ZNF423: variants seen among roughly 807,000 people sequenced by gnomAD.
The protein encoded by ZNF423 is Ebf-associated zinc finger protein.
Under a neutral mutation model 95.8 loss-of-function variants are expected in ZNF423, and 12 were observed. The observed-to-expected ratio is 0.13, with a 90% CI of 0.08 to 0.20. ZNF423 has a LOEUF of 0.20. Ranked by LOEUF, ZNF423 falls within the 10% of genes least tolerant of loss-of-function variation. The pLI is 1.00. For missense variants in ZNF423, 1,316 were observed against 1,737.1 expected (o/e 0.76, Z 4.31); for synonymous variants, 749 against 711.9 (o/e 1.05, Z -0.83).
intron 5 of ZNF423, among the ~76,000 whole-genome samples, chr16:49,556,961 G>A (rs1329522106): frequency 6.6e-6 from 1 of 152,136 alleles, no homozygotes; most frequent in East Asian, 1.9e-4. Context: ...GGAGAAGGCA[G>A]GAAAAAAACT....
intron 5 of ZNF423, among the ~76,000 whole-genome samples, chr16:49,590,446 G>A (rs2151815726): frequency 6.6e-6 from 1 of 152,162 alleles, no homozygotes; most frequent in South Asian, 2.1e-4. Context: ...TTCTGGAAAA[G>A]AGAAAGCCAC....
chr16:49,525,330 T>C (rs1357531711), intron 6 of ZNF423, 33 bp downstream of exon 6: 1 of 1,611,506 alleles, frequency 6.2e-7, no homozygotes, highest in African/African-American at 1.3e-5. Context: ...TGTTCATCTC[T>C]CTCCCCTGAG....
In ZNF423 at chr16:49,746,223, T is replaced by C. The variant is rs147003866; in HGVS notation, c.101-15252A>G. The stretch of plus-strand genomic sequence containing the variant: ...CCCACCTATAAAAGTGCAGGATTAA[T>C]TTCCTGCACCGTTAAAGGAATCACC... On this transcript the variant is annotated intron_variant, in intron 2 of 7. Coordinates refer to ENST00000563137, the MANE Select transcript of ZNF423 (RefSeq NM_001379286.1). 2.5e-3 allele frequency among the ~76,000 whole-genome samples: 380 copies of C among 152,260 alleles called. 2 individuals carry two copies. The highest frequency in any genetic ancestry group is 8.7e-3 in the African/African-American group (363 of 41,548).
chr16:49,627,099 C>T lies in ZNF423; in HGVS notation c.3517-845G>A, dbSNP rs533691546. ...ACCCATCCATCCATCTACATAATAC[C>T]CACCCATCCTCCATCTACCCATCCA... On this transcript the variant is annotated intron_variant, in intron 4 of 7. Coordinates refer to ENST00000563137, the MANE Select transcript of ZNF423 (RefSeq NM_001379286.1). Among the ~76,000 whole-genome samples the T allele has an allele frequency of 5.6e-5, 8 of 141,988 alleles. No homozygotes were observed. In the South Asian group the frequency reaches 2.5e-3, roughly 44 times the overall value. The allele number at this position is 141,988 out of a possible 152,430, so 93.1% of individuals were successfully genotyped here. A position where few individuals can be genotyped will look rare whatever the true frequency, so the allele number is the denominator to read the frequency against.
intron 5 of ZNF423, among the ~76,000 whole-genome samples, chr16:49,591,215 G>A (rs1971001833): frequency 6.6e-6 from 1 of 152,014 alleles, no homozygotes; most frequent in African/African-American, 2.4e-5. Context: ...TAACTCCACT[G>A]GAAACCAAGC....
intron 3 of ZNF423, among the ~76,000 whole-genome samples, chr16:49,668,074 C>A (rs1006719933): frequency 7.2e-5 from 11 of 152,134 alleles, no homozygotes; most frequent in African/African-American, 2.7e-4. Flanking sequence ...AGGACTCCAG[C>A]AGGTAGGAGA....
chr16:49,722,055 C>T (rs1205443427), intron 3 of ZNF423, among the ~76,000 whole-genome samples: 1 of 152,102 alleles, frequency 6.6e-6, no homozygotes, highest in African/African-American at 2.4e-5. Context: ...GAAACAAGTC[C>T]CCACCACCAC....
intron 5 of ZNF423, among the ~76,000 whole-genome samples, chr16:49,529,464 G>A (rs953006139): frequency 6.6e-6 from 1 of 152,168 alleles, no homozygotes; most frequent in African/African-American, 2.4e-5. Flanking sequence ...ATAATAGGAT[G>A]TGCTTTTGCT....
intron 3 of ZNF423, among the ~76,000 whole-genome samples, chr16:49,728,293 T>C (rs751893273): frequency 1.3e-5 from 2 of 152,180 alleles, no homozygotes; most frequent in Non-Finnish European, 2.9e-5. Context: ...CTCACACATC[T>C]AGGAAACTAT....
chr16:49,841,594 C>A (rs576086265), intron 1 of ZNF423, among the ~76,000 whole-genome samples: 1 of 152,228 alleles, frequency 6.6e-6, no homozygotes, highest in African/African-American at 2.4e-5. Context: ...ATGCTACCCG[C>A]TCTTCCAGGC....
At chr16:49,502,572 C>G (rs1967451189) in intron 7 of ZNF423, among the ~76,000 whole-genome samples, 1 of 151,866 alleles carries the variant, frequency 6.6e-6, no homozygotes, top group Non-Finnish European at 1.5e-5. Context: ...TGACCGCATT[C>G]AAAAATCTGG....
At chr16:49,654,188 T>C (rs56852801) in intron 3 of ZNF423, among the ~76,000 whole-genome samples, 6,939 of 152,300 alleles carry the variant, frequency 0.046, 501 homozygotes, top group African/African-American at 0.16. Flanking sequence ...CAAAGATGTA[T>C]ACCGAGCATG....
At chr16:49,693,286 T>G (rs960573521) in intron 3 of ZNF423, among the ~76,000 whole-genome samples, 4 of 152,060 alleles carry the variant, frequency 2.6e-5, no homozygotes, top group Non-Finnish European at 5.9e-5. Context: ...AACCCGTGAG[T>G]ATGAGGTATA....
intron 3 of ZNF423, among the ~76,000 whole-genome samples, chr16:49,639,277 A>T (rs73567519): frequency 0.021 from 3,231 of 152,320 alleles, 109 homozygotes; most frequent in African/African-American, 0.074. Context: ...CACTTGATCC[A>T]CACCTGGGAG....
chr16:49,525,587 C>A (rs1055717822), intron 5 of ZNF423, 93 bp from the exon 6 acceptor site: 78 of 1,538,138 alleles, frequency 5.1e-5, no homozygotes, highest in Non-Finnish European at 6.3e-5. Flanking sequence ...AGCACTAACC[C>A]CCCTCCAATC....
At chr16:49,615,189 A>G (rs1041216271) in intron 5 of ZNF423, among the ~76,000 whole-genome samples, 2 of 150,542 alleles carry the variant, frequency 1.3e-5, no homozygotes, top group African/African-American at 5.0e-5. Context: ...AATGAGCACC[A>G]GCATTCTTCC....
chr16:49,510,909 G>A (rs931818781), intron 7 of ZNF423, among the ~76,000 whole-genome samples: 7 of 152,346 alleles, frequency 4.6e-5, no homozygotes, highest in Admixed American at 6.5e-5. Context: ...CCCATCTGTC[G>A]AGATGGCATG....
chr16:49,657,880 T>G (rs2029969718), intron 3 of ZNF423, among the ~76,000 whole-genome samples: 1 of 152,178 alleles, frequency 6.6e-6, no homozygotes, highest in Non-Finnish European at 1.5e-5. Flanking sequence ...TCAGCCTGCA[T>G]AGCCTCCTCC....
intron 1 of ZNF423, among the ~76,000 whole-genome samples, chr16:49,835,278 G>A (rs2035105342): frequency 6.6e-6 from 1 of 152,214 alleles, no homozygotes; most frequent in Non-Finnish European, 1.5e-5. Context: ...GTCCAGCCGG[G>A]AGGTGGGGTC....
Sources: allele counts gnomAD v4.1 joint callset (sites outside exome capture counted in the v4.1 genomes callset), GRCh38; gene constraint gnomAD v4.1.1; transcripts MANE v1.5; gene names NCBI Gene and HGNC (gene_info 2026-07-23, HGNC 2026-07-21).